RBFOX1: variants seen among roughly 807,000 people sequenced by gnomAD.
The protein encoded by RBFOX1 is RNA binding fox-1 homolog 1.
In RBFOX1, 8 loss-of-function variants were observed where a neutral mutation model predicts 57.7. The ratio of observed to expected loss-of-function variants is 0.14; its 90% CI spans 0.08 to 0.25. RBFOX1 has a LOEUF of 0.25. Ranked by LOEUF, RBFOX1 falls within the 10% of genes least tolerant of loss-of-function variation. The probability of loss-of-function intolerance (pLI) is 1.00; values close to 1 mark genes in which losing one functional copy is unlikely to be tolerated. For missense variants in RBFOX1, 611 were observed against 548.5 expected (o/e 1.11, Z -1.14); for synonymous variants, 326 against 222.4 (o/e 1.47, Z -4.15).
At chr16:6,970,319 C>T (rs534099638) in intron 3 of RBFOX1, among the ~76,000 whole-genome samples, 2 of 152,202 alleles carry the variant, frequency 1.3e-5, no homozygotes, top group African/African-American at 2.4e-5. Flanking sequence ...TCTGTCCTTT[C>T]ATTTTCTCAG....
At chr16:5,886,042 CCCT>C (rs2057891664) in intron 4 of RBFOX1, among the ~76,000 whole-genome samples, 1 of 152,142 alleles carries the variant, frequency 6.6e-6, no homozygotes, top group African/African-American at 2.4e-5. Flanking sequence ...TCCCTTCACT[CCCT>C]CTTTCTCCCG....
chr16:6,434,450 C>T (rs938762705), intron 2 of RBFOX1, among the ~76,000 whole-genome samples: 3 of 152,156 alleles, frequency 2.0e-5, no homozygotes, highest in Admixed American at 6.5e-5. Flanking sequence ...TTCCCCCGTG[C>T]CTGACTCTCC....
intron 2 of RBFOX1, among the ~76,000 whole-genome samples, chr16:6,594,916 G>A (rs142856168): frequency 1.8e-4 from 28 of 152,228 alleles, no homozygotes; most frequent in South Asian, 2.1e-4. Context: ...AGCGTCTGGA[G>A]TAGCTGGGAC....
intron 3 of RBFOX1, among the ~76,000 whole-genome samples, chr16:6,746,797 C>T (rs972678111): frequency 1.1e-4 from 16 of 151,928 alleles, no homozygotes; most frequent in African/African-American, 3.6e-4. Flanking sequence ...TATTTATAAG[C>T]CAAAGTTTGC....
At chr16:5,270,694 G>C (rs2062982241) in intron 1 of RBFOX1, 1 of 522,118 alleles carries the variant, frequency 1.9e-6, no homozygotes, top group Admixed American at 2.4e-5. Context: ...CATGACCTGA[G>C]ATGTGCAGAC....
intron 2 of RBFOX1, among the ~76,000 whole-genome samples, chr16:6,624,092 G>C (rs143895974): frequency 2.2e-4 from 33 of 152,090 alleles, no homozygotes; most frequent in African/African-American, 7.7e-4. Flanking sequence ...TCACAACTAC[G>C]TACCACAGAA....
At chr16:5,859,849 G>A (rs997044087) in intron 3 of RBFOX1, among the ~76,000 whole-genome samples, 2 of 152,198 alleles carry the variant, frequency 1.3e-5, no homozygotes, top group African/African-American at 2.4e-5. Context: ...TCAAGATACT[G>A]TGGGTCAGGA....
chr16:6,974,455 C>T (rs1348269872), intron 3 of RBFOX1, among the ~76,000 whole-genome samples: 1 of 144,640 alleles, frequency 6.9e-6, no homozygotes, highest in African/African-American at 2.5e-5. Flanking sequence ...AGGAATTATC[C>T]TGCCTCAGCC....
intron 4 of RBFOX1, among the ~76,000 whole-genome samples, chr16:7,212,039 G>C (rs2091244296): frequency 6.6e-6 from 1 of 152,076 alleles, no homozygotes; most frequent in African/African-American, 2.4e-5. Flanking sequence ...TTCTGGAAAA[G>C]TGGGGCCAAG....
chr16:7,111,512 G>A (rs887076714), intron 4 of RBFOX1, among the ~76,000 whole-genome samples: 7 of 152,118 alleles, frequency 4.6e-5, no homozygotes, highest in African/African-American at 1.7e-4. Context: ...TCTGCTGTTG[G>A]GGGAAGGGTG....
intron 4 of RBFOX1, among the ~76,000 whole-genome samples, chr16:7,443,669 G>C (rs963094110): frequency 2.6e-5 from 4 of 152,120 alleles, no homozygotes; most frequent in Non-Finnish European, 1.5e-5. Context: ...TGTAGATGTA[G>C]ACTTCTGTAT....
intron 4 of RBFOX1, among the ~76,000 whole-genome samples, chr16:5,893,008 G>A (rs899435971): frequency 1.3e-5 from 2 of 152,202 alleles, no homozygotes; most frequent in African/African-American, 4.8e-5. Flanking sequence ...TTTCTGGTGA[G>A]GAATAGGGTA....
intron 3 of RBFOX1, among the ~76,000 whole-genome samples, chr16:6,781,044 T>G (rs992831108): frequency 1.3e-5 from 2 of 152,148 alleles, no homozygotes; most frequent in South Asian, 2.1e-4. Flanking sequence ...GTGCATTTGG[T>G]GGCTTACTCA....
chr16:7,351,492 T>A (rs535900075), intron 4 of RBFOX1, among the ~76,000 whole-genome samples: 4 of 152,328 alleles, frequency 2.6e-5, no homozygotes, highest in South Asian at 4.1e-4. Flanking sequence ...ATAACTACCA[T>A]AATGTATATA....
At chr16:5,572,723 A>G (rs1042230260) in intron 2 of RBFOX1, among the ~76,000 whole-genome samples, 2 of 152,214 alleles carry the variant, frequency 1.3e-5, no homozygotes, top group East Asian at 3.9e-4. Flanking sequence ...TGGTCAAACA[A>G]AGCCTCACAG....
intron 2 of RBFOX1, among the ~76,000 whole-genome samples, chr16:6,528,023 A>T (rs979536825): frequency 2.0e-5 from 3 of 152,108 alleles, no homozygotes; most frequent in South Asian, 2.1e-4. Flanking sequence ...GGATTTCTCT[A>T]TGTTGAATTT....
chr16:7,303,812 C>T (rs2096094358), intron 4 of RBFOX1, among the ~76,000 whole-genome samples: 2 of 150,988 alleles, frequency 1.3e-5, no homozygotes, highest in African/African-American at 4.9e-5. Flanking sequence ...CTTCCTCTCT[C>T]CCTCTCTACC....
intron 3 of RBFOX1, among the ~76,000 whole-genome samples, chr16:6,811,900 T>C (rs2088719171): frequency 6.6e-6 from 1 of 151,930 alleles, no homozygotes; most frequent in Admixed American, 6.6e-5. Context: ...AAAATATAAA[T>C]AAATAAAATA....
At chr16:7,156,357 A>C (rs1476481793) in intron 4 of RBFOX1, among the ~76,000 whole-genome samples, 1 of 151,878 alleles carries the variant, frequency 6.6e-6, no homozygotes, top group Non-Finnish European at 1.5e-5. Flanking sequence ...GTACATATAC[A>C]TGCACATATA....
Sources: gnomAD v4.1 joint callset for allele counts (sites outside exome capture counted in the v4.1 genomes callset) on GRCh38, gnomAD v4.1.1 for gene constraint, MANE v1.5 for transcripts, NCBI Gene and HGNC (gene_info 2026-07-23, HGNC 2026-07-21) for gene names.